Variants in TBC1D5 observed in about 807,000 individuals in gnomAD.
TBC1D5 encodes TBC1 domain family, member 5.
Under a neutral mutation model 100.3 loss-of-function variants are expected in TBC1D5, and 75 were observed. The observed-to-expected ratio is 0.75, with a 90% CI of 0.62 to 0.91. TBC1D5 has a LOEUF of 0.91. TBC1D5 is among the 40% of genes least tolerant of loss of function. The pLI is 0.00. For missense variants in TBC1D5, 910 were observed against 942.4 expected (o/e 0.97, Z 0.45); for synonymous variants, 323 against 325.6 (o/e 0.99, Z 0.09).
At chr3:17,453,654 AT>A (rs1199738360) in intron 3 of TBC1D5, among the ~76,000 whole-genome samples, 2 of 152,044 alleles carry the variant, frequency 1.3e-5, no homozygotes, top group Non-Finnish European at 2.9e-5. Flanking sequence ...GATCAAAGCC[AT>A]AATGGCTTTA....
At chr3:17,473,660 A>C (rs569158477) in intron 3 of TBC1D5, among the ~76,000 whole-genome samples, 223 of 152,344 alleles carry the variant, frequency 1.5e-3, no homozygotes, top group African/African-American at 5.2e-3. Context: ...GGTTCTGGCC[A>C]CAAGTCAGTA....
intron 12 of TBC1D5, among the ~76,000 whole-genome samples, chr3:17,372,798 T>C (rs1358331160): frequency 6.6e-6 from 1 of 152,212 alleles, no homozygotes; most frequent in Non-Finnish European, 1.5e-5. Context: ...TCCAAAAATA[T>C]AAAGTAGTTT....
chr3:17,297,816 C>T (rs1049927481), intron 14 of TBC1D5, among the ~76,000 whole-genome samples: 2 of 151,450 alleles, frequency 1.3e-5, no homozygotes, highest in Admixed American at 1.3e-4. Context: ...TCTTGAACTC[C>T]TGGGCTCCAG....
chr3:17,472,316 T>C (rs906348343), intron 3 of TBC1D5, among the ~76,000 whole-genome samples: 1 of 151,962 alleles, frequency 6.6e-6, no homozygotes, highest in Non-Finnish European at 1.5e-5. Context: ...TTTTTGTATT[T>C]TTTGTAGAGA....
At chr3:17,432,444 C>T (rs1559873802) in intron 3 of TBC1D5, among the ~76,000 whole-genome samples, 1 of 152,056 alleles carries the variant, frequency 6.6e-6, no homozygotes, top group Non-Finnish European at 1.5e-5. Flanking sequence ...ATAAAGTAGC[C>T]ACATCATTTG....
chr3:17,546,842 T>G (rs1156579984), intron 2 of TBC1D5, among the ~76,000 whole-genome samples: 1 of 152,040 alleles, frequency 6.6e-6, no homozygotes, highest in Non-Finnish European at 1.5e-5. Flanking sequence ...CTGATATTCC[T>G]CTATTACATT....
chr3:17,301,923 C>G (rs577316155), intron 14 of TBC1D5, among the ~76,000 whole-genome samples: 13 of 152,280 alleles, frequency 8.5e-5, no homozygotes, highest in African/African-American at 2.4e-4. Context: ...CGATTACTCT[C>G]ACATTATTTC....
At chr3:17,701,392 G>T (rs745916658) in intron 1 of TBC1D5, among the ~76,000 whole-genome samples, 30 of 152,080 alleles carry the variant, frequency 2.0e-4, no homozygotes, top group Admixed American at 9.8e-4. Flanking sequence ...GAGCTGATGG[G>T]TGCAGCAAAC....
chr3:17,553,444 A>G (rs907795046), intron 2 of TBC1D5, among the ~76,000 whole-genome samples: 2 of 152,318 alleles, frequency 1.3e-5, no homozygotes, highest in South Asian at 2.1e-4. Flanking sequence ...GGGGATTTGT[A>G]CTATTTAACA....
At chr3:17,359,563 T>A in intron 13 of TBC1D5, among the ~76,000 whole-genome samples, 1 of 152,054 alleles carries the variant, frequency 6.6e-6, no homozygotes, top group Non-Finnish European at 1.5e-5. Context: ...AAACTTGCTT[T>A]TACAGGCACA....
chr3:17,218,588 A>C (rs945740409), intron 17 of TBC1D5, among the ~76,000 whole-genome samples: 1 of 151,970 alleles, frequency 6.6e-6, no homozygotes, highest in Non-Finnish European at 1.5e-5. Flanking sequence ...CTTATAGGGA[A>C]GGTTTACTAG....
At chr3:17,686,980 T>C (rs918910498) in intron 1 of TBC1D5, among the ~76,000 whole-genome samples, 16 of 152,260 alleles carry the variant, frequency 1.1e-4, no homozygotes, top group African/African-American at 3.8e-4. Flanking sequence ...CAAAATAATA[T>C]ATATTTGGTT....
chr3:17,439,754 T>C (rs1351551139), intron 3 of TBC1D5, among the ~76,000 whole-genome samples: 1 of 152,226 alleles, frequency 6.6e-6, no homozygotes, highest in Non-Finnish European at 1.5e-5. Flanking sequence ...AAAAAGGTGA[T>C]TTTTAAAATC....
chr3:17,542,130 T>C (rs1260741849), intron 2 of TBC1D5, among the ~76,000 whole-genome samples: 1 of 151,780 alleles, frequency 6.6e-6, no homozygotes, highest in Non-Finnish European at 1.5e-5. Context: ...TCTATAAGAA[T>C]TTTTTTTAAA....
At chr3:17,472,970 G>GAACTTAGTTT (rs2095396695) in intron 3 of TBC1D5, among the ~76,000 whole-genome samples, 4 of 152,128 alleles carry the variant, frequency 2.6e-5, no homozygotes, top group Admixed American at 2.6e-4. Flanking sequence ...GTTGAACCAT[G>GAACTTAGTTT]CAATCCTTGA....
At chr3:17,164,097 C>G (rs1462380702) in intron 21 of TBC1D5, among the ~76,000 whole-genome samples, 1 of 152,178 alleles carries the variant, frequency 6.6e-6, no homozygotes, top group African/African-American at 2.4e-5. Flanking sequence ...CTATAGAATA[C>G]AATTTCACAA....
At chr3:17,741,544 G>A (rs1042988766), upstream of TBC1D5, among the ~76,000 whole-genome samples, 3 of 152,190 alleles carry the variant, frequency 2.0e-5, no homozygotes, top group Non-Finnish European at 4.4e-5. Context: ...TGGTCCAAAC[G>A]TGTGAAACCT....
At chr3:17,401,124 T>C (rs956288181) in intron 8 of TBC1D5, among the ~76,000 whole-genome samples, 1 of 152,016 alleles carries the variant, frequency 6.6e-6, no homozygotes, top group East Asian at 1.9e-4. Context: ...CTATCAACTA[T>C]AGGGCCTCCT....
chr3:17,193,219 T>A (rs1000226208), intron 18 of TBC1D5, among the ~76,000 whole-genome samples: 4 of 152,164 alleles, frequency 2.6e-5, no homozygotes, highest in Non-Finnish European at 4.4e-5. Flanking sequence ...TAATAGATAG[T>A]GATCATTCAA....
Sources: allele counts gnomAD v4.1 joint callset (sites outside exome capture counted in the v4.1 genomes callset), GRCh38; gene constraint gnomAD v4.1.1; transcripts MANE v1.5; gene names NCBI Gene and HGNC (gene_info 2026-07-23, HGNC 2026-07-21).